Variants in CPVL observed in about 807,000 individuals in gnomAD.
The protein encoded by CPVL is probable serine carboxypeptidase CPVL.
CPVL carries 51 observed loss-of-function variants against 63.7 expected under a neutral mutation model. That is an observed-to-expected ratio of 0.80 (90% CI 0.64 to 1.01). CPVL has a LOEUF of 1.01. CPVL is among the 50% of genes least tolerant of loss of function. The pLI is 0.00. For synonymous variants in CPVL, 195 were observed against 206.0 expected (o/e 0.95, Z 0.46); for missense variants, 530 against 573.1 (o/e 0.92, Z 0.77).
intron 11 of CPVL, among the ~76,000 whole-genome samples, chr7:29,036,314 C>T (rs1296451323): frequency 6.6e-6 from 1 of 152,162 alleles, no homozygotes; most frequent in Non-Finnish European, 1.5e-5. Context: ...CACAAAGTTC[C>T]CAGCACAGTG....
chr7:29,147,511 T>C (rs1400172888), upstream of CPVL, among the ~76,000 whole-genome samples: 1 of 152,226 alleles, frequency 6.6e-6, no homozygotes, highest in African/African-American at 2.4e-5. Context: ...CAAACTAATG[T>C]CACTGAATAT....
In CPVL at chr7:29,112,725, G is replaced by A; in HGVS notation, c.267C>T (p.Phe89=). The A allele has an allele frequency of 1.9e-6, 3 of 1,612,776 alleles. No individual in the cohort carries two copies. The highest frequency in any genetic ancestry group is 2.5e-6 in the Non-Finnish European group (3 of 1,179,072). The change falls in exon 3 of 13, where the codon TTC becomes TTT. Residue 89 remains phenylalanine (F), a synonymous_variant. Transcript: ENST00000265394. ...CTACCTGAGCTGGGAAGAACCAGAA[G>A]AAGAGGTTGCTGTTGTAAGTCTTAT... The part of the protein sequence containing the change: ...TVNKTYNSNL[F]FWFFPAQIQP...
At chr7:29,184,444 C>T (rs1486661789) in exon 4 of CPVL, 1 of 152,066 alleles carries the variant, frequency 6.6e-6, no homozygotes, top group East Asian at 1.9e-4. Flanking sequence ...AGTCCCAGAT[C>T]TGCAGGATGA....
At chr7:29,077,425 T>C (rs1784341414) in intron 7 of CPVL, among the ~76,000 whole-genome samples, 1 of 152,188 alleles carries the variant, frequency 6.6e-6, no homozygotes, top group African/African-American at 2.4e-5. Context: ...GAGACACAGC[T>C]AAACTTAGAC....
intron 11 of CPVL, among the ~76,000 whole-genome samples, chr7:29,051,119 TTAAA>T (rs1790113544): frequency 6.6e-6 from 1 of 152,208 alleles, no homozygotes; most frequent in African/African-American, 2.4e-5. Context: ...GATTAAGGAC[TTAAA>T]TCTAAAACCT....
chr7:29,115,062 C>G (rs1442017245), intron 2 of CPVL, among the ~76,000 whole-genome samples: 6 of 152,122 alleles, frequency 3.9e-5, no homozygotes, highest in Non-Finnish European at 7.4e-5. Flanking sequence ...ATTAGGACTC[C>G]CCAGCAAGTT....
chr7:29,087,028 TA>T (rs1482849739), intron 6 of CPVL, among the ~76,000 whole-genome samples: 3 of 152,066 alleles, frequency 2.0e-5, no homozygotes, highest in African/African-American at 7.2e-5. Context: ...AGAAAAACTG[TA>T]AGATGACTAT....
intron 3 of CPVL, among the ~76,000 whole-genome samples, chr7:29,098,201 G>A (rs1403987604): frequency 1.3e-5 from 2 of 152,212 alleles, no homozygotes; most frequent in African/African-American, 2.4e-5. Flanking sequence ...GGAGAAGGCT[G>A]AGGCAGAAGG....
intron 5 of CPVL, among the ~76,000 whole-genome samples, chr7:29,160,587 C>A (rs1795042312): frequency 6.6e-6 from 1 of 152,148 alleles, no homozygotes; most frequent in African/African-American, 2.4e-5. Flanking sequence ...ATTTTTCTCC[C>A]TGTCAGAAGG....
chr7:29,103,944 G>C (rs1322260933), intron 3 of CPVL, among the ~76,000 whole-genome samples: 1 of 152,136 alleles, frequency 6.6e-6, no homozygotes, highest in East Asian at 1.9e-4. Flanking sequence ...ATTCCCACAA[G>C]TATGTTTAAA....
chr7:29,136,769 CTTA>C (rs1163330111), intron 1 of CPVL, among the ~76,000 whole-genome samples: 1 of 152,086 alleles, frequency 6.6e-6, no homozygotes, highest in East Asian at 1.9e-4. Context: ...AAAAACTAAA[CTTA>C]TTATCTCCTT....
At chr7:29,021,958 G>GCAAT (rs1307741387) in intron 12 of CPVL, among the ~76,000 whole-genome samples, 1 of 152,188 alleles carries the variant, frequency 6.6e-6, no homozygotes, top group Non-Finnish European at 1.5e-5. Flanking sequence ...TTTAGCTCAT[G>GCAAT]CAATGTCTTA....
At chr7:29,087,517 A>G (rs555480347) in intron 6 of CPVL, among the ~76,000 whole-genome samples, 1 of 152,304 alleles carries the variant, frequency 6.6e-6, no homozygotes, top group South Asian at 2.1e-4. Context: ...ATAAGCAAGA[A>G]GACAGTGGAT....
intron 11 of CPVL, among the ~76,000 whole-genome samples, chr7:29,045,685 A>G (rs1412445662): frequency 1.3e-5 from 2 of 152,218 alleles, no homozygotes; most frequent in Admixed American, 1.3e-4. Flanking sequence ...TTTAAGTGTT[A>G]AATTTTTCTT....
intron 1 of CPVL, among the ~76,000 whole-genome samples, chr7:29,137,059 A>C (rs935110452): frequency 8.5e-5 from 13 of 152,170 alleles, no homozygotes; most frequent in African/African-American, 3.1e-4. Flanking sequence ...CCTTGACTTT[A>C]ACTCCTAATT....
intron 5 of CPVL, among the ~76,000 whole-genome samples, chr7:29,178,538 G>C (rs1797656727): frequency 1.3e-5 from 2 of 152,100 alleles, no homozygotes; most frequent in African/African-American, 4.8e-5. Flanking sequence ...CATCCTCCGA[G>C]AGACGTTGCC....
intron 11 of CPVL, among the ~76,000 whole-genome samples, chr7:29,041,076 C>T (rs1789033964): frequency 1.3e-5 from 2 of 150,862 alleles, no homozygotes; most frequent in South Asian, 4.2e-4. Flanking sequence ...TGGCTGCTTT[C>T]TGATCCCCTT....
intron 5 of CPVL, among the ~76,000 whole-genome samples, chr7:29,158,895 T>C (rs1040604374): frequency 3.9e-5 from 6 of 152,242 alleles, no homozygotes; most frequent in African/African-American, 1.4e-4. Context: ...GGGGCTTTCA[T>C]TTTGTTCTGA....
chr7:29,122,215 T>G (rs920050509), intron 1 of CPVL: 1 of 152,170 alleles, frequency 6.6e-6, no homozygotes, highest in Non-Finnish European at 1.5e-5. Flanking sequence ...CACAGGGACC[T>G]TGCAGTCAAC....
Sources: allele counts gnomAD v4.1 joint callset (sites outside exome capture counted in the v4.1 genomes callset), GRCh38; gene constraint gnomAD v4.1.1; transcripts MANE v1.5; gene names NCBI Gene and HGNC (gene_info 2026-07-23, HGNC 2026-07-21).